SMARCA5: variants seen among roughly 807,000 people sequenced by gnomAD.
The protein encoded by SMARCA5 is SWI/SNF-related matrix-associated actin-dependent regulator of chromatin subfamily A member 5.
SMARCA5 carries 18 observed loss-of-function variants against 140.4 expected under a neutral mutation model. The observed-to-expected ratio is 0.13, with a 90% CI of 0.09 to 0.19. SMARCA5 has a LOEUF of 0.19. Ranked by LOEUF, SMARCA5 falls within the 10% of genes least tolerant of loss-of-function variation. SMARCA5 has a pLI of 1.00. For missense variants in SMARCA5, 606 were observed against 1,276.8 expected (o/e 0.47, Z 8.01); for synonymous variants, 449 against 419.6 (o/e 1.07, Z -0.86).
chr4:143,554,329 T>C lies in SMARCA5; in HGVS notation c.*1145T>C, dbSNP rs1210747644. 1.3e-5 allele frequency: 2 copies of C among 152,200 alleles called. No individual in the cohort carries two copies. Among genetic ancestry groups the C allele is most frequent in the African/African-American group, 2.4e-5 (1 of 41,454 alleles). 9.4% of individuals were successfully genotyped at this position (152,200 alleles called of 1,614,324 possible). A position where few individuals can be genotyped will look rare whatever the true frequency, so the allele number is the denominator to read the frequency against. ...TCTCCATTTTTCTAAGGGAATGCAA[T>C]AAATGTAGCATCGTGAATAAATATA... is the stretch of plus-strand genomic sequence containing the variant. On this transcript the variant is annotated 3_prime_UTR_variant, in exon 24 of 24. Transcript: ENST00000283131.
intron 17 of SMARCA5, 80 bp downstream of exon 17, chr4:143,544,927 G>T: frequency 3.1e-5 from 20 of 644,402 alleles, no homozygotes; most frequent in East Asian, 9.2e-5. Context: ...CAAAAAGATT[G>T]ATAATTAGAT....
chr4:143,521,729 C>A, intron 3 of SMARCA5, 134 bp downstream of exon 3: 2 of 767,488 alleles, frequency 2.6e-6, no homozygotes, highest in Non-Finnish European at 4.1e-6. Context: ...TTTGGCTTGG[C>A]ATGATTTAGC....
Position 143,540,900 on chromosome 4 carries a change from T to G in SMARCA5, c.1903+405T>G, listed in dbSNP as rs572832283. Among the ~76,000 whole-genome samples, 6 of 152,270 alleles carry G rather than the reference T, an allele frequency of 3.9e-5. No individual in the cohort carries two copies. The South Asian group carries it at 1.2e-3, about 32-fold the overall frequency. On this transcript the variant is annotated intron_variant, in intron 14 of 23. Transcript: ENST00000283131. ...ATTACTGTGGGGAAAACTGAAGAAA[T>G]AAAAATCAAAGAGCCTGATTTTATT...
Position 143,526,384 on chromosome 4 carries a change from A to G in SMARCA5, c.725A>G (p.His242Arg). The change falls in exon 6 of 24, where the codon CAC (histidine) becomes CGC (arginine). Residue 242 changes from histidine (H) to arginine (R), a missense_variant. This residue lies in a region of SMARCA5 where 110 missense variants were observed against 287.7 expected (regional missense o/e 0.38). Transcript: ENST00000283131. ...GTTTTGGTTCCTAAGTCTACATTAC[A>G]CAACTGGATGAGTGAATTCAAGAGA... ...HMVLVPKSTLHNWMSEFKRWV... is the reference protein window; with the variant it reads ...HMVLVPKSTLRNWMSEFKRWV... The G allele has an allele frequency of 6.2e-7, 1 of 1,613,662 alleles. No homozygotes were observed. The highest frequency in any genetic ancestry group is 8.5e-7 in the Non-Finnish European group (1 of 1,179,586).
At chr4:143,516,709 T>G (rs1310225118) in intron 1 of SMARCA5, among the ~76,000 whole-genome samples, 1 of 142,662 alleles carries the variant, frequency 7.0e-6, no homozygotes, top group Non-Finnish European at 1.5e-5. Flanking sequence ...TTGTGCATCA[T>G]TAATGAAGAT....
rs973604027 is a variant in SMARCA5, at chr4:143,525,613, T to C, written c.621+62T>C. 8 of 1,145,050 alleles carry C rather than the reference T, an allele frequency of 7.0e-6. No individual in the cohort carries two copies. The South Asian group carries it at 9.9e-5, about 14-fold the overall frequency. The allele number at this position is 1,145,050 out of a possible 1,614,324, so 70.9% of individuals were successfully genotyped here. Reference sequence around the variant, plus strand: ...GTATTGAAAATATCTTATACGTTGATAAAAGTTTCTTACAGTCTACAACTG... The same window carrying C: ...GTATTGAAAATATCTTATACGTTGACAAAAGTTTCTTACAGTCTACAACTG... On this transcript the variant is annotated intron_variant, in intron 5 of 23. Transcript: ENST00000283131.
Position 143,521,294 on chromosome 4 carries a change from T to C in SMARCA5, c.253-135T>C. ...TCACTTTGCATAGTGCTTTTGAAAC[T>C]CATCCATGTTGCATTTATCTGTAGT... On this transcript the variant is annotated intron_variant, in intron 2 of 23. Transcript: ENST00000283131. 3 of 593,356 alleles carry C rather than the reference T, an allele frequency of 5.1e-6. No individual in the cohort carries two copies. In the South Asian group the frequency reaches 7.2e-5, roughly 14 times the overall value. 36.8% of individuals were successfully genotyped at this position (593,356 alleles called of 1,614,324 possible). A position where few individuals can be genotyped will look rare whatever the true frequency, so the allele number is the denominator to read the frequency against.
intron 10 of SMARCA5, 138 bp downstream of exon 10, chr4:143,535,102 C>G (rs750042137): frequency 3.3e-6 from 2 of 600,934 alleles, no homozygotes; most frequent in Non-Finnish European, 5.7e-6. Flanking sequence ...TTTCTTGTCA[C>G]GTAGTATAGG....
At chr4:143,515,843 AC>A (rs1264237091) in intron 1 of SMARCA5, among the ~76,000 whole-genome samples, 1 of 152,102 alleles carries the variant, frequency 6.6e-6, no homozygotes, top group Non-Finnish European at 1.5e-5. Flanking sequence ...CCATGTTCTT[AC>A]CAAAAAAAAC....
At chr4:143,553,034 A>T in intron 23 of SMARCA5, 85 bp from the exon 24 acceptor site, 2 of 998,590 alleles carry the variant, frequency 2.0e-6, no homozygotes, top group Non-Finnish European at 3.2e-6. Flanking sequence ...AGTAGTTGTT[A>T]TTACTAAAGT....
Position 143,543,754 on chromosome 4 carries a change from A to G in SMARCA5, c.2052+97A>G. 5 of 1,511,760 alleles carry G rather than the reference A, an allele frequency of 3.3e-6. No homozygotes were observed. The South Asian group carries it at 3.7e-5, about 11-fold the overall frequency. 93.6% of individuals were successfully genotyped at this position (1,511,760 alleles called of 1,614,324 possible). ...TGATGATAAATAATTTTATTTCCTT[A>G]AAGAGAAGCTTTTGTGTACGTGAAG... On this transcript the variant is annotated intron_variant, in intron 15 of 23. Transcript: ENST00000283131.
intron 5 of SMARCA5, among the ~76,000 whole-genome samples, chr4:143,526,064 G>A (rs892501863): frequency 2.6e-5 from 4 of 152,146 alleles, no homozygotes; most frequent in African/African-American, 7.2e-5. Flanking sequence ...TCACTTAAAC[G>A]GGGCCTTATG....
At chr4:143,544,216 G>C in intron 16 of SMARCA5, 1 of 251,460 alleles carries the variant, frequency 4.0e-6, no homozygotes, top group Non-Finnish European at 7.5e-6. Flanking sequence ...ATATATTCTT[G>C]TATGGGATGA....
intron 8 of SMARCA5, among the ~76,000 whole-genome samples, chr4:143,529,111 T>C (rs774302984): frequency 1.3e-5 from 2 of 152,120 alleles, no homozygotes; most frequent in Non-Finnish European, 2.9e-5. Context: ...GTTTCTGTGT[T>C]TTTTGTAGAG....
In SMARCA5 at chr4:143,553,111, G is replaced by A. The variant is rs1035046673; in HGVS notation, c.3094-8G>A. The A allele has an allele frequency of 1.2e-6, 2 of 1,607,662 alleles. No homozygotes were observed. Among genetic ancestry groups the A allele is most frequent in the South Asian group, 2.2e-5 (2 of 90,944 alleles). On this transcript the variant is annotated splice_region_variant and splice_polypyrimidine_tract_variant and intron_variant, in intron 23 of 23. Coordinates refer to ENST00000283131, the MANE Select transcript of SMARCA5 (RefSeq NM_003601.4). The stretch of plus-strand genomic sequence containing the variant: ...CTTGTGAAAAGTAATCCTTCTGTCT[G>A]TTTGTAGACACAGAAACGTAAAATG...
At chr4:143,528,079 GA>G (rs1737110320) in intron 7 of SMARCA5, 56 bp downstream of exon 7, 1 of 1,381,624 alleles carries the variant, frequency 7.2e-7, no homozygotes, top group Admixed American at 2.7e-5. Context: ...TTAAAGTACA[GA>G]TTTTTTTTTC....
Position 143,526,262 on chromosome 4 carries a change from T to C in SMARCA5, c.622-19T>C. On this transcript the variant is annotated intron_variant, in intron 5 of 23. Transcript: ENST00000283131. The stretch of plus-strand genomic sequence containing the variant: ...ATTTTCATTTTTCACTGCTTCATGG[T>C]TATTTTGAAATCTTTCAGGGCCTAG... The C allele has an allele frequency of 6.2e-7, 1 of 1,601,734 alleles. No homozygotes were observed. The highest frequency in any genetic ancestry group is 2.2e-5 in the East Asian group (1 of 44,764).
intron 19 of SMARCA5, 104 bp downstream of exon 19, chr4:143,546,151 A>G (rs934074505): frequency 1.2e-6 from 1 of 824,658 alleles, no homozygotes; most frequent in Non-Finnish European, 1.8e-6. Context: ...GCTTTTAAAG[A>G]TGGAATAATT....
At chr4:143,515,127 G>A (rs914720707) in intron 1 of SMARCA5, among the ~76,000 whole-genome samples, 5 of 152,194 alleles carry the variant, frequency 3.3e-5, no homozygotes, top group Non-Finnish European at 7.3e-5. Context: ...TAGACAGAAT[G>A]AAAGTAATAC....
Sources: gnomAD v4.1 joint callset for allele counts (sites outside exome capture counted in the v4.1 genomes callset) on GRCh38, gnomAD v4.1.1 for gene constraint, gnomAD v4.1.1 regional missense constraint, MANE v1.5 for transcripts, NCBI Gene and HGNC (gene_info 2026-07-23, HGNC 2026-07-21) for gene names.